The following ARB2A variants were observed in gnomAD, a reference collection of about 807,000 sequenced individuals.
ARB2A encodes cotranscriptional regulator ARB2A.
the ARB2A span, among the ~76,000 whole-genome samples, chr5:94,059,491 C>T: frequency 2.0e-5 from 3 of 151,460 alleles, no homozygotes; most frequent in Admixed American, 6.6e-5. Flanking sequence ...TGTGGTGGCA[C>T]GCGCCTGTAA....
the ARB2A span, among the ~76,000 whole-genome samples, chr5:94,019,626 AAAC>A: frequency 6.6e-6 from 1 of 152,208 alleles, no homozygotes; most frequent in Non-Finnish European, 1.5e-5. Flanking sequence ...AAAAGTCAAG[AAAC>A]AACAGATCCT....
chr5:93,764,779 G>T, the ARB2A span, among the ~76,000 whole-genome samples: 1 of 152,110 alleles, frequency 6.6e-6, no homozygotes, highest in South Asian at 2.1e-4. Flanking sequence ...GATGAACATC[G>T]ATGCAAAAAT....
chr5:93,820,057 T>C, the ARB2A span, among the ~76,000 whole-genome samples: 11 of 152,132 alleles, frequency 7.2e-5, no homozygotes, highest in Non-Finnish European at 1.3e-4. Flanking sequence ...ATACTAATAA[T>C]AACATGGAAA....
chr5:93,668,264 T>C, the ARB2A span, among the ~76,000 whole-genome samples: 1 of 152,072 alleles, frequency 6.6e-6, no homozygotes, highest in African/African-American at 2.4e-5. Context: ...CCACCATGCC[T>C]GGCTAGTTTT....
chr5:93,808,682 C>T, the ARB2A span, among the ~76,000 whole-genome samples: 4 of 151,912 alleles, frequency 2.6e-5, no homozygotes, highest in Admixed American at 2.0e-4. Context: ...GTATACAAAG[C>T]TCTCTATCCC....
At chr5:94,010,438 T>G in the ARB2A span, among the ~76,000 whole-genome samples, 20 of 152,240 alleles carry the variant, frequency 1.3e-4, no homozygotes, top group Non-Finnish European at 2.4e-4. Flanking sequence ...CTTTTGGGGC[T>G]TGTATTACGG....
chr5:93,956,259 A>T, the ARB2A span, among the ~76,000 whole-genome samples: 1 of 152,216 alleles, frequency 6.6e-6, no homozygotes, highest in Non-Finnish European at 1.5e-5. Flanking sequence ...CATTTGGTGA[A>T]GAAATCTCAG....
chr5:93,735,061 T>C, the ARB2A span: 7 of 152,268 alleles, frequency 4.6e-5, no homozygotes, highest in African/African-American at 1.7e-4. Context: ...CTGGCCAATG[T>C]ATCTTGGTTG....
At chr5:93,850,839 T>C in the ARB2A span, among the ~76,000 whole-genome samples, 1 of 152,198 alleles carries the variant, frequency 6.6e-6, no homozygotes, top group Admixed American at 6.5e-5. Context: ...CTAGATATGT[T>C]TTGTGAAGGC....
the ARB2A span, among the ~76,000 whole-genome samples, chr5:93,847,480 C>T: frequency 6.6e-6 from 1 of 151,754 alleles, no homozygotes; most frequent in Non-Finnish European, 1.5e-5. Flanking sequence ...TCCTAGTTTA[C>T]AAAGTTTTAA....
At chr5:93,713,540 A>G in the ARB2A span, among the ~76,000 whole-genome samples, 1 of 152,200 alleles carries the variant, frequency 6.6e-6, no homozygotes, top group Non-Finnish European at 1.5e-5. Context: ...TCATATCCAA[A>G]AGACAGACAA....
chr5:93,638,801 C>A, the ARB2A span, among the ~76,000 whole-genome samples: 1 of 152,114 alleles, frequency 6.6e-6, no homozygotes, highest in Non-Finnish European at 1.5e-5. Flanking sequence ...TGCACTCCAG[C>A]CTGGGCAATA....
chr5:93,763,587 C>G, the ARB2A span, among the ~76,000 whole-genome samples: 1 of 152,168 alleles, frequency 6.6e-6, no homozygotes, highest in East Asian at 1.9e-4. Flanking sequence ...GACTCCCACA[C>G]AATAATAATG....
the ARB2A span, chr5:94,074,514 T>C: frequency 1.9e-5 from 12 of 635,296 alleles, no homozygotes; most frequent in South Asian, 1.1e-4. Flanking sequence ...GTGAGGGATA[T>C]AAATAATTGC....
At chr5:93,746,009 C>A in the ARB2A span, among the ~76,000 whole-genome samples, 1 of 152,158 alleles carries the variant, frequency 6.6e-6, no homozygotes. Flanking sequence ...AAAACTCTGG[C>A]AGCTGAGTAC....
chr5:93,852,201 C>T, the ARB2A span, among the ~76,000 whole-genome samples: 2 of 152,064 alleles, frequency 1.3e-5, no homozygotes, highest in South Asian at 2.1e-4. Context: ...TCTCTGATGG[C>T]CAGTGATGGT....
chr5:93,645,487 T>A, the ARB2A span, among the ~76,000 whole-genome samples: 1 of 150,668 alleles, frequency 6.6e-6, no homozygotes. Context: ...GGCAGGAGAA[T>A]CGCTTGAACC....
At chr5:93,886,048 T>G in the ARB2A span, among the ~76,000 whole-genome samples, 1 of 151,698 alleles carries the variant, frequency 6.6e-6, no homozygotes, top group Non-Finnish European at 1.5e-5. Context: ...ATCAAGAAGA[T>G]TCTGTAAATA....
At chr5:93,687,052 A>G in the ARB2A span, among the ~76,000 whole-genome samples, 1 of 152,184 alleles carries the variant, frequency 6.6e-6, no homozygotes, top group Non-Finnish European at 1.5e-5. Context: ...GCAACTAGGC[A>G]AAAATGTACC....
Sources: gnomAD v4.1 joint callset for allele counts (sites outside exome capture counted in the v4.1 genomes callset) on GRCh38, gnomAD v4.1.1 for gene constraint, MANE v1.5 for transcripts, NCBI Gene and HGNC (gene_info 2026-07-23, HGNC 2026-07-21) for gene names.